Variants in DNAH8 observed in about 807,000 individuals in gnomAD.
DNAH8 encodes the protein dynein axonemal heavy chain 8.
Under a neutral mutation model 562.1 loss-of-function variants are expected in DNAH8, and 382 were observed. That is an observed-to-expected ratio of 0.68 (90% CI 0.63 to 0.74). The LOEUF is 0.74. Ranked by LOEUF, DNAH8 falls within the 30% of genes least tolerant of loss-of-function variation. DNAH8 has a pLI of 0.00. For synonymous variants in DNAH8, 1,881 were observed against 1,919.4 expected, an observed-to-expected ratio of 0.98 and a Z score of 0.52; for missense variants, 5,203 against 5,620.4, an observed-to-expected ratio of 0.93 and a Z score of 2.37.
At chr6:38,726,150 G>A (rs1177006707) in intron 3 of DNAH8, among the ~76,000 whole-genome samples, 1 of 152,214 alleles carries the variant, frequency 6.6e-6, no homozygotes, top group Non-Finnish European at 1.5e-5. Context: ...AGCCAGATGA[G>A]TGATCAATTT....
Position 38,917,318 on chromosome 6 carries a change from TTC to T in DNAH8, c.10222_10223del (p.Leu3408ValfsTer8), listed in dbSNP as rs1781379535. 3 of 1,613,666 alleles carry T rather than the reference TTC, an allele frequency of 1.9e-6. No homozygotes were observed. The highest frequency in any genetic ancestry group is 1.3e-5 in the African/African-American group (1 of 75,028). ...CTTATTATGAGAATCATGGACTGTG[TTC>T]TGTTACTATTTCAAAAGAAAATTGA... On this transcript the variant is annotated frameshift_variant, in exon 69 of 93. Transcript: ENST00000327475. LOFTEE classifies it high-confidence loss of function.
At chr6:38,858,985 A>T (rs1252085456) in intron 42 of DNAH8, among the ~76,000 whole-genome samples, 1 of 152,000 alleles carries the variant, frequency 6.6e-6, no homozygotes, top group Non-Finnish European at 1.5e-5. Flanking sequence ...CAGAGGGATT[A>T]AAAAAAATAA....
chr6:39,015,786 G>C (rs543839029), intron 91 of DNAH8, among the ~76,000 whole-genome samples: 1 of 152,126 alleles, frequency 6.6e-6, no homozygotes, highest in Non-Finnish European at 1.5e-5. Context: ...CTTTTCTTCA[G>C]TTCTGCTTTC....
chr6:38,906,196 C>T (rs1179011654), intron 62 of DNAH8, 58 bp from the exon 63 acceptor site: 15 of 1,194,726 alleles, frequency 1.3e-5, no homozygotes, highest in Admixed American at 4.5e-5. Context: ...TGTGAGCCAC[C>T]GCGCCCAGCC....
At chr6:38,844,140 G>T (rs925040156) in intron 35 of DNAH8, among the ~76,000 whole-genome samples, 3 of 151,940 alleles carry the variant, frequency 2.0e-5, no homozygotes, top group African/African-American at 4.8e-5. Flanking sequence ...TTAGACCCCA[G>T]CCCAGGTACT....
At chr6:39,026,512 C>G (rs778997657) in intron 91 of DNAH8, 34 bp from the exon 92 acceptor site, 1 of 1,582,440 alleles carries the variant, frequency 6.3e-7, no homozygotes, top group Non-Finnish European at 8.6e-7. Context: ...CAGATTGCAA[C>G]AAGGCTTCAA....
chr6:38,734,729 T>C (rs1056707776), intron 5 of DNAH8, 104 bp downstream of exon 5: 3 of 1,259,970 alleles, frequency 2.4e-6, no homozygotes, highest in Non-Finnish European at 3.2e-6. Flanking sequence ...TAGGACTGAA[T>C]TGAGTTCCAA....
intron 60 of DNAH8, among the ~76,000 whole-genome samples, chr6:38,897,772 T>C (rs1024122715): frequency 1.3e-5 from 2 of 151,940 alleles, no homozygotes; most frequent in Non-Finnish European, 2.9e-5. Flanking sequence ...CAGAGTACCT[T>C]GACTCTAAAA....
At chr6:38,976,041 C>T (rs997276294) in intron 85 of DNAH8, among the ~76,000 whole-genome samples, 3 of 152,166 alleles carry the variant, frequency 2.0e-5, no homozygotes, top group East Asian at 1.9e-4. Flanking sequence ...TGGGTTAAAA[C>T]GGAGGAAAAA....
In DNAH8 at chr6:38,984,324, A is replaced by G. The variant is rs1337181236; in HGVS notation, c.13053+17A>G. 1 of 1,543,584 alleles carries G rather than the reference A, an allele frequency of 6.5e-7. No individual in the cohort carries two copies. Among genetic ancestry groups the G allele is most frequent in the Non-Finnish European group, 9.0e-7 (1 of 1,115,902 alleles). On this transcript the variant is annotated intron_variant, in intron 87 of 92. Transcript: ENST00000327475. ...TTTGCCAGAGTAAGTCAATTTAGAA[A>G]AATAAAGTTTGGAGACACATTTCAC... is the stretch of plus-strand genomic sequence containing the variant.
intron 53 of DNAH8, among the ~76,000 whole-genome samples, chr6:38,879,325 A>G (rs576598451): frequency 7.2e-5 from 11 of 152,264 alleles, no homozygotes; most frequent in South Asian, 2.1e-4. Flanking sequence ...CTATAGACCA[A>G]TATTCCTCAG....
chr6:38,967,517 C>T (rs1245433131), intron 82 of DNAH8, among the ~76,000 whole-genome samples: 1 of 152,074 alleles, frequency 6.6e-6, no homozygotes, highest in East Asian at 1.9e-4. Flanking sequence ...ATCATAAACA[C>T]ATTACAATTC....
At chr6:38,927,891 C>T (rs1344165351) in intron 74 of DNAH8, 2 of 152,206 alleles carry the variant, frequency 1.3e-5, no homozygotes, top group Non-Finnish European at 2.9e-5. Flanking sequence ...ATTTTAAAAA[C>T]CATCCACTGC....
At chr6:38,911,386 A>G in intron 65 of DNAH8, 82 bp from the exon 66 acceptor site, 1 of 1,015,898 alleles carries the variant, frequency 9.8e-7, no homozygotes, top group Non-Finnish European at 1.6e-6. Flanking sequence ...ACATGATCAC[A>G]CTGATTTCAC....
In DNAH8 at chr6:38,789,867, C is replaced by T. The variant is rs1338995929; in HGVS notation, c.2648C>T (p.Thr883Ile). ...EVPSVFVNLM[T>I]PKMKKVESVL... ...CCTTCTGTGTTTGTCAATCTGATGA[C>T]CCCAAAAATGAAAAAGGTTGGTATT... Residue 883 changes from threonine to isoleucine, a missense_variant, in exon 19 of 93, where the codon ACC becomes ATC. Around this residue, in one of 6 missense-constraint regions of DNAH8, gnomAD observed 2,176 missense variants for 2,365.1 expected, o/e 0.92. Coordinates refer to ENST00000327475, the MANE Select transcript of DNAH8 (RefSeq NM_001206927.2). 6.2e-7 allele frequency: 1 copy of T among 1,611,846 alleles called. No individual in the cohort carries two copies. The highest frequency in any genetic ancestry group is 8.5e-7 in the Non-Finnish European group (1 of 1,178,490).
chr6:39,021,342 C>T (rs1766906692), intron 91 of DNAH8, among the ~76,000 whole-genome samples: 1 of 152,198 alleles, frequency 6.6e-6, no homozygotes, highest in Admixed American at 6.5e-5. Context: ...GTACATCCCC[C>T]TCCTCAGGTG....
At chr6:38,846,835 C>T (rs1385934229) in intron 36 of DNAH8, among the ~76,000 whole-genome samples, 1 of 152,182 alleles carries the variant, frequency 6.6e-6, no homozygotes, top group Non-Finnish European at 1.5e-5. Flanking sequence ...TCAATTCATA[C>T]TTACTTGGAC....
At chr6:39,028,490 A>G (rs1440180964) in intron 92 of DNAH8, among the ~76,000 whole-genome samples, 1 of 152,170 alleles carries the variant, frequency 6.6e-6, no homozygotes, top group African/African-American at 2.4e-5. Context: ...CTGTATAAGT[A>G]TATATATCTC....
At chr6:38,847,066 G>C (rs1438185297) in intron 36 of DNAH8, among the ~76,000 whole-genome samples, 2 of 152,172 alleles carry the variant, frequency 1.3e-5, no homozygotes, top group East Asian at 3.9e-4. Flanking sequence ...GGATCCCTAG[G>C]ACTACTTTGA....
Sources: gnomAD v4.1 joint callset for allele counts (sites outside exome capture counted in the v4.1 genomes callset) on GRCh38, gnomAD v4.1.1 for gene constraint, gnomAD v4.1.1 regional missense constraint, MANE v1.5 for transcripts, NCBI Gene and HGNC (gene_info 2026-07-23, HGNC 2026-07-21) for gene names.